The following MYO1D variants were observed in gnomAD, a reference collection of about 807,000 sequenced individuals.
MYO1D encodes the protein myosin ID.
A neutral mutation model predicts 122.0 loss-of-function variants in MYO1D; 83 were observed. That is an observed-to-expected ratio of 0.68 (90% CI 0.57 to 0.82). MYO1D has a LOEUF of 0.82. Among genes scored for constraint, MYO1D ranks in the 40% least tolerant of loss-of-function variants. The probability of loss-of-function intolerance (pLI) is 0.00; values close to 1 mark genes in which losing one functional copy is unlikely to be tolerated. For missense variants in MYO1D, 1,157 were observed against 1,269.5 expected, an observed-to-expected ratio of 0.91 and a Z score of 1.35; for synonymous variants, 464 against 446.9, an observed-to-expected ratio of 1.04 and a Z score of -0.48.
chr17:32,627,395 T>C (rs1812177769), intron 20 of MYO1D, among the ~76,000 whole-genome samples: 1 of 152,010 alleles, frequency 6.6e-6, no homozygotes, highest in Non-Finnish European at 1.5e-5. Context: ...GCTTTAGAAA[T>C]GGTGATGGGG....
intron 21 of MYO1D, among the ~76,000 whole-genome samples, chr17:32,515,307 A>C (rs982539448): frequency 2.6e-5 from 4 of 152,118 alleles, no homozygotes; most frequent in African/African-American, 9.7e-5. Context: ...AGTATTTTTA[A>C]ATTCCCTCCT....
At chr17:32,621,431 C>T (rs759073812) in intron 20 of MYO1D, among the ~76,000 whole-genome samples, 2 of 151,914 alleles carry the variant, frequency 1.3e-5, no homozygotes, top group Non-Finnish European at 2.9e-5. Flanking sequence ...TGCATCTTCT[C>T]GTCCTTATTT....
intron 21 of MYO1D, among the ~76,000 whole-genome samples, chr17:32,602,334 G>A (rs1413666655): frequency 6.6e-6 from 1 of 152,180 alleles, no homozygotes; most frequent in Non-Finnish European, 1.5e-5. Context: ...CTGGATGTCA[G>A]ACATTGTGAA....
intron 1 of MYO1D, among the ~76,000 whole-genome samples, chr17:32,827,816 C>A (rs968532732): frequency 1.4e-4 from 21 of 151,906 alleles, no homozygotes; most frequent in African/African-American, 5.1e-4. Flanking sequence ...GAAAAAGTAA[C>A]CTTGAAAAAA....
chr17:32,576,768 C>T (rs921566220), intron 21 of MYO1D, among the ~76,000 whole-genome samples: 1 of 152,182 alleles, frequency 6.6e-6, no homozygotes, highest in East Asian at 1.9e-4. Context: ...GTGATCCTCT[C>T]GCCTCAGGCT....
intron 20 of MYO1D, among the ~76,000 whole-genome samples, chr17:32,606,958 G>A (rs1218445964): frequency 1.3e-5 from 2 of 152,140 alleles, no homozygotes; most frequent in Non-Finnish European, 2.9e-5. Flanking sequence ...TCAGGGGTTC[G>A]AGACCAGCCT....
At chr17:32,648,932 T>C (rs73280018) in intron 19 of MYO1D, among the ~76,000 whole-genome samples, 5,844 of 152,254 alleles carry the variant, frequency 0.038, 367 homozygotes, top group African/African-American at 0.13. Context: ...GTTGGCTTAT[T>C]AGTTATAACT....
At chr17:32,701,766 TG>T (rs1214425110) in intron 16 of MYO1D, among the ~76,000 whole-genome samples, 3 of 152,112 alleles carry the variant, frequency 2.0e-5, no homozygotes, top group Non-Finnish European at 4.4e-5. Flanking sequence ...GGGGTTTCGC[TG>T]TGTTGCCCAG....
intron 20 of MYO1D, among the ~76,000 whole-genome samples, chr17:32,620,455 G>A (rs1448783874): frequency 6.6e-6 from 1 of 152,160 alleles, no homozygotes; most frequent in Non-Finnish European, 1.5e-5. Context: ...GAAAGAGCAG[G>A]CTCTTCTCTG....
At chr17:32,748,873 G>A in intron 12 of MYO1D, 63 bp downstream of exon 12, 1 of 1,403,108 alleles carries the variant, frequency 7.1e-7, no homozygotes, top group South Asian at 1.2e-5. Context: ...CATTTTTCCT[G>A]GTTGTATTTT....
chr17:32,528,873 G>A (rs1239287189), intron 21 of MYO1D: 1 of 152,228 alleles, frequency 6.6e-6, no homozygotes, highest in Non-Finnish European at 1.5e-5. Flanking sequence ...CAACGCCCTC[G>A]TTCTGGCCCA....
intron 21 of MYO1D, among the ~76,000 whole-genome samples, chr17:32,560,575 A>ATG (rs1849481391): frequency 8.7e-5 from 10 of 114,304 alleles, no homozygotes; most frequent in African/African-American, 3.3e-4. Flanking sequence ...ATATATATAT[A>ATG]TAACTTTTAT....
intron 15 of MYO1D, among the ~76,000 whole-genome samples, chr17:32,719,119 G>A (rs188770089): frequency 6.6e-6 from 1 of 152,094 alleles, no homozygotes; most frequent in Non-Finnish European, 1.5e-5. Flanking sequence ...CTCAGCAAAT[G>A]GTACTGTGCT....
chr17:32,567,831 T>C (rs2087186933), intron 21 of MYO1D, among the ~76,000 whole-genome samples: 1 of 152,194 alleles, frequency 6.6e-6, no homozygotes. Flanking sequence ...GGTAGTTCAG[T>C]GGTGCTAACG....
At chr17:32,706,887 G>A (rs907112458) in intron 16 of MYO1D, among the ~76,000 whole-genome samples, 1 of 152,014 alleles carries the variant, frequency 6.6e-6, no homozygotes, top group South Asian at 2.1e-4. Context: ...TAGTAGAGAC[G>A]GGGTTTCACC....
chr17:32,574,898 TG>T (rs1411311087), intron 21 of MYO1D, among the ~76,000 whole-genome samples: 2 of 152,240 alleles, frequency 1.3e-5, no homozygotes, highest in Non-Finnish European at 2.9e-5. Flanking sequence ...TGTATGACCC[TG>T]GACAAGTCAT....
intron 17 of MYO1D, chr17:32,658,893 T>C (rs2150953259): frequency 1.3e-5 from 7 of 557,446 alleles, no homozygotes; most frequent in Middle Eastern, 4.9e-4. Flanking sequence ...TGTGGCACAT[T>C]GCTGTCAGCT....
At chr17:32,653,758 T>TA in intron 19 of MYO1D, 85 bp downstream of exon 19, 1 of 1,140,808 alleles carries the variant, frequency 8.8e-7, no homozygotes, top group Non-Finnish European at 1.3e-6. Flanking sequence ...TACCTACTGT[T>TA]ATGTTTTATT....
intron 1 of MYO1D, among the ~76,000 whole-genome samples, chr17:32,818,563 TG>T (rs1254210523): frequency 1.3e-5 from 2 of 152,108 alleles, no homozygotes; most frequent in Non-Finnish European, 2.9e-5. Flanking sequence ...GAGAGACCAA[TG>T]GGGGAAATAA....
Sources: gnomAD v4.1 joint callset for allele counts (sites outside exome capture counted in the v4.1 genomes callset) on GRCh38, gnomAD v4.1.1 for gene constraint, MANE v1.5 for transcripts, NCBI Gene and HGNC (gene_info 2026-07-23, HGNC 2026-07-21) for gene names.